CAMK4: variants seen among roughly 807,000 people sequenced by gnomAD.
CAMK4 encodes calcium/calmodulin dependent protein kinase IV.
A neutral mutation model predicts 44.9 loss-of-function variants in CAMK4; 22 were observed. The observed-to-expected ratio is 0.49, with a 90% CI of 0.35 to 0.70. The LOEUF (loss-of-function observed/expected upper bound fraction) is 0.70, where lower values mean the gene tolerates loss of function less well. Among genes scored for constraint, CAMK4 ranks in the 30% least tolerant of loss-of-function variants. The pLI, the probability that CAMK4 is intolerant of heterozygous loss-of-function variation, is 0.01. For synonymous variants in CAMK4, 218 were observed against 215.4 expected, an observed-to-expected ratio of 1.01 and a Z score of -0.11; for missense variants, 498 against 586.8, an observed-to-expected ratio of 0.85 and a Z score of 1.56.
intron 1 of CAMK4, among the ~76,000 whole-genome samples, chr5:111,278,113 G>A (rs989519549): frequency 2.0e-5 from 3 of 152,172 alleles, no homozygotes; most frequent in Admixed American, 6.5e-5. Context: ...CTCTGTATGC[G>A]TTAGTTCTCT....
intron 1 of CAMK4, among the ~76,000 whole-genome samples, chr5:111,337,674 GT>G (rs1245445935): frequency 1.3e-5 from 2 of 151,098 alleles, no homozygotes; most frequent in East Asian, 3.9e-4. Flanking sequence ...GAGGTTGGAG[GT>G]TGTATAAAAA....
chr5:111,230,623 AAGAG>A (rs577739209), intron 1 of CAMK4, among the ~76,000 whole-genome samples: 4 of 151,914 alleles, frequency 2.6e-5, no homozygotes, highest in African/African-American at 4.8e-5. Flanking sequence ...GAGAACTTGA[AAGAG>A]AGAGAGAAAA....
At chr5:111,426,100 A>T (rs1357708647) in intron 5 of CAMK4, among the ~76,000 whole-genome samples, 1 of 67,248 alleles carries the variant, frequency 1.5e-5, no homozygotes, top group South Asian at 7.4e-4. Flanking sequence ...TTCCAAATTA[A>T]AAAAAAATCT....
chr5:111,229,428 A>C (rs1219485151), intron 1 of CAMK4, among the ~76,000 whole-genome samples: 1 of 152,194 alleles, frequency 6.6e-6, no homozygotes, highest in Non-Finnish European at 1.5e-5. Flanking sequence ...TACTAAACAT[A>C]ATTACCTTCC....
chr5:111,475,498 G>A (rs975196865), intron 8 of CAMK4, among the ~76,000 whole-genome samples: 5 of 152,172 alleles, frequency 3.3e-5, no homozygotes, highest in Admixed American at 3.3e-4. Flanking sequence ...ATATTTTATT[G>A]TAACCCTGAA....
chr5:111,419,333 C>T (rs1214501782), intron 5 of CAMK4, among the ~76,000 whole-genome samples: 1 of 152,046 alleles, frequency 6.6e-6, no homozygotes, highest in African/African-American at 2.4e-5. Context: ...ATTGTAGATT[C>T]TGGATATTAG....
At chr5:111,421,728 T>C (rs921374578) in intron 5 of CAMK4, among the ~76,000 whole-genome samples, 5 of 152,180 alleles carry the variant, frequency 3.3e-5, no homozygotes, top group Non-Finnish European at 7.3e-5. Flanking sequence ...TTAATGATTA[T>C]GTTGAAAGAC....
intron 1 of CAMK4, among the ~76,000 whole-genome samples, chr5:111,273,507 G>C (rs1315737979): frequency 1.3e-5 from 2 of 150,684 alleles, no homozygotes; most frequent in African/African-American, 4.9e-5. Flanking sequence ...TTATTTTTTA[G>C]TCTAATTTTT....
At chr5:111,346,611 T>C (rs1426651215) in intron 2 of CAMK4, among the ~76,000 whole-genome samples, 1 of 151,856 alleles carries the variant, frequency 6.6e-6, no homozygotes, top group African/African-American at 2.4e-5. Flanking sequence ...AAATTTATTC[T>C]CTTACAATTG....
chr5:111,360,507 C>A (rs1030799056), intron 2 of CAMK4, among the ~76,000 whole-genome samples: 5 of 152,082 alleles, frequency 3.3e-5, no homozygotes, highest in African/African-American at 1.2e-4. Flanking sequence ...TCACAAGCCC[C>A]TTGGCCACCA....
chr5:111,327,081 A>G (rs1026667286), intron 1 of CAMK4, among the ~76,000 whole-genome samples: 2 of 151,880 alleles, frequency 1.3e-5, no homozygotes, highest in African/African-American at 2.4e-5. Flanking sequence ...ATATGTATAC[A>G]TGTGCCATGC....
intron 1 of CAMK4, among the ~76,000 whole-genome samples, chr5:111,311,858 G>A (rs182554147): frequency 2.0e-5 from 3 of 152,110 alleles, no homozygotes; most frequent in East Asian, 3.9e-4. Context: ...CCTAATCTTC[G>A]GTAGCAGTGA....
At chr5:111,436,463 C>G (rs1753650379) in intron 5 of CAMK4, among the ~76,000 whole-genome samples, 1 of 152,146 alleles carries the variant, frequency 6.6e-6, no homozygotes, top group Non-Finnish European at 1.5e-5. Flanking sequence ...TACCAGCATC[C>G]TGTTCTTTTC....
intron 5 of CAMK4, among the ~76,000 whole-genome samples, chr5:111,445,191 A>C (rs773431877): frequency 1.6e-4 from 24 of 152,320 alleles, no homozygotes; most frequent in Middle Eastern, 3.4e-3. Context: ...AATTGAAAAC[A>C]ACTTGAATGT....
At chr5:111,375,143 C>A (rs753876122) in intron 3 of CAMK4, among the ~76,000 whole-genome samples, 4 of 152,192 alleles carry the variant, frequency 2.6e-5, no homozygotes, top group African/African-American at 9.6e-5. Context: ...TATACGCCAT[C>A]TTTATTTTCA....
At chr5:111,281,791 GCTC>G (rs1239906622) in intron 1 of CAMK4, among the ~76,000 whole-genome samples, 1 of 152,138 alleles carries the variant, frequency 6.6e-6, no homozygotes, top group Non-Finnish European at 1.5e-5. Flanking sequence ...GGGCGCGGTG[GCTC>G]ACGCCTGTAA....
chr5:111,478,867 T>C (rs1755334393), intron 9 of CAMK4, among the ~76,000 whole-genome samples: 3 of 152,178 alleles, frequency 2.0e-5, no homozygotes, highest in Admixed American at 6.5e-5. Flanking sequence ...AATTTAGATG[T>C]ACTTCATTTC....
chr5:111,422,648 G>A (rs1753074209), intron 5 of CAMK4, among the ~76,000 whole-genome samples: 1 of 152,084 alleles, frequency 6.6e-6, no homozygotes, highest in African/African-American at 2.4e-5. Context: ...TGTTTCTATG[G>A]CTTCCTGGCC....
At chr5:111,410,069 G>T (rs2112892977) in intron 5 of CAMK4, among the ~76,000 whole-genome samples, 1 of 152,216 alleles carries the variant, frequency 6.6e-6, no homozygotes, top group African/African-American at 2.4e-5. Flanking sequence ...CTGTTGCCCA[G>T]TTCCAAAGTC....
Sources: gnomAD v4.1 joint callset for allele counts (sites outside exome capture counted in the v4.1 genomes callset) on GRCh38, gnomAD v4.1.1 for gene constraint, MANE v1.5 for transcripts, NCBI Gene and HGNC (gene_info 2026-07-23, HGNC 2026-07-21) for gene names.